Variants in CDKL1 observed in about 807,000 individuals in gnomAD.
CDKL1 encodes cyclin dependent kinase like 1.
Under a neutral mutation model 42.0 loss-of-function variants are expected in CDKL1, and 41 were observed. The ratio of observed to expected loss-of-function variants is 0.98; its 90% CI spans 0.76 to 1.27. The LOEUF is 1.27. CDKL1 is among the 50% of genes most tolerant of loss of function. CDKL1 has a pLI of 0.00. For synonymous variants in CDKL1, 153 were observed against 158.6 expected (o/e 0.96, Z 0.26); for missense variants, 394 against 428.4 (o/e 0.92, Z 0.71).
intron 2 of CDKL1, among the ~76,000 whole-genome samples, chr14:50,359,596 A>C (rs909723071): frequency 1.3e-5 from 2 of 152,060 alleles, no homozygotes; most frequent in Non-Finnish European, 2.9e-5. Flanking sequence ...ATTATTGTTC[A>C]GTTAATTGTT....
At chr14:50,382,936 T>TG (rs1303912777) in intron 2 of CDKL1, among the ~76,000 whole-genome samples, 2 of 151,550 alleles carry the variant, frequency 1.3e-5, no homozygotes, top group Non-Finnish European at 2.9e-5. Context: ...TTTTGTTTTT[T>TG]TTTTTTTTTG....
chr14:50,383,748 T>C (rs1434341979), intron 2 of CDKL1, among the ~76,000 whole-genome samples: 1 of 152,264 alleles, frequency 6.6e-6, no homozygotes, highest in East Asian at 1.9e-4. Flanking sequence ...GAGTCTACAG[T>C]GTGTGGCAGG....
At chr14:50,378,208 A>C (rs550449306) in intron 2 of CDKL1, 39 of 1,366,414 alleles carry the variant, frequency 2.9e-5, no homozygotes, top group Middle Eastern at 4.2e-4. Context: ...CACATGATGC[A>C]GGTGCCTCCT....
At chr14:50,379,190 G>A (rs1005233726) in intron 2 of CDKL1, among the ~76,000 whole-genome samples, 1 of 152,212 alleles carries the variant, frequency 6.6e-6, no homozygotes, top group African/African-American at 2.4e-5. Context: ...GCTCTTTGAA[G>A]GTTGGGCTTT....
intron 2 of CDKL1, among the ~76,000 whole-genome samples, chr14:50,387,037 A>AAAGAAAAG (rs745989074): frequency 0.052 from 7,849 of 151,592 alleles, 288 homozygotes; most frequent in East Asian, 0.11. Flanking sequence ...AAAAAGAAAA[A>AAAGAAAAG]AAAAAAAAGA....
intron 9 of CDKL1, chr14:50,331,936 A>C: frequency 8.6e-7 from 1 of 1,163,264 alleles, no homozygotes. Flanking sequence ...TGCATGGGGA[A>C]AATCTGATTT....
chr14:50,331,842 G>A, intron 9 of CDKL1: 2 of 614,642 alleles, frequency 3.3e-6, no homozygotes, highest in Non-Finnish European at 5.6e-6. Context: ...CTCTGACAAA[G>A]GATCAGGGAG....
intron 2 of CDKL1, among the ~76,000 whole-genome samples, chr14:50,367,036 G>A (rs1283914914): frequency 2.0e-5 from 3 of 152,224 alleles, no homozygotes; most frequent in Non-Finnish European, 4.4e-5. Flanking sequence ...AGATTGCCCC[G>A]AAGGAGCGAG....
At chr14:50,385,066 G>C (rs1387324828) in intron 2 of CDKL1, among the ~76,000 whole-genome samples, 1 of 88,822 alleles carries the variant, frequency 1.1e-5, no homozygotes, top group South Asian at 5.5e-4. Flanking sequence ...GCAAGACTCT[G>C]TCTCAAAAAA....
rs1468382589 is a variant in CDKL1, at chr14:50,329,019, ATTAG to A, written c.*1051_*1054del. The A allele has an allele frequency of 4.2e-5, 6 of 142,832 alleles. No individual in the cohort carries two copies. The allele number at this position is 142,832 out of a possible 1,614,324, so 8.8% of individuals were successfully genotyped here. The stretch of plus-strand genomic sequence containing the variant: ...TACTTTGGACTACTTAGTGTAATAT[ATTAG>A]TTGTTAGAATAGCATATATATATAT... On this transcript the variant is annotated 3_prime_UTR_variant, in exon 10 of 10. Coordinates refer to ENST00000395834, the MANE Select transcript of CDKL1 (RefSeq NM_004196.7).
chr14:50,366,028 G>A (rs896293034), intron 2 of CDKL1, among the ~76,000 whole-genome samples: 1 of 152,204 alleles, frequency 6.6e-6, no homozygotes. Flanking sequence ...TCAGCTTGCA[G>A]ACGGCCTGTT....
In CDKL1 at chr14:50,359,149, G is replaced by A; in HGVS notation, c.169C>T (p.Gln57Ter). Residue 57 changes from glutamine (Q) to a stop codon, truncating the protein, a stop_gained and splice_region_variant, in exon 3 of 10, where the codon CAA (glutamine) becomes TAA (stop). Transcript: ENST00000395834. LOFTEE classifies it high-confidence loss of function. ...IALREIRMLK[Q>*]LKHPNLVNLL... The stretch of plus-strand genomic sequence containing the variant: ...TTAACAAGGTTGGGATGCTTGAGTT[G>A]CTGAAAACACAAAAAAACAAGTTAC... 6.2e-7 allele frequency: 1 copy of A among 1,600,932 alleles called. No individual in the cohort carries two copies. Among genetic ancestry groups the A allele is most frequent in the South Asian group, 1.1e-5 (1 of 89,362 alleles).
At chr14:50,383,679 A>G (rs898784378) in intron 2 of CDKL1, among the ~76,000 whole-genome samples, 2 of 152,218 alleles carry the variant, frequency 1.3e-5, no homozygotes, top group African/African-American at 4.8e-5. Flanking sequence ...TCTTTTATCA[A>G]TGTGAATTAC....
chr14:50,345,074 C>T lies in CDKL1; in HGVS notation c.291-16G>A. The T allele has an allele frequency of 1.2e-6, 2 of 1,610,788 alleles. No homozygotes were observed. Among genetic ancestry groups the T allele is most frequent in the Non-Finnish European group, 1.7e-6 (2 of 1,177,678 alleles). On this transcript the variant is annotated splice_polypyrimidine_tract_variant and intron_variant, in intron 3 of 9. Coordinates refer to ENST00000395834, the MANE Select transcript of CDKL1 (RefSeq NM_004196.7). ...TTCTGGTACCCTAATAAAAATAAAG[C>T]AGCACAAACACATTCTTTAGTGTAG...
rs1428475575 is a variant in CDKL1, at chr14:50,343,112, A to G, written c.364-890T>C. ...CACATGATTTTCTCATTAAATGACAATTTCTTTGGCAAAGAACAAATCAAC... is the reference window on the plus strand; with the variant it reads ...CACATGATTTTCTCATTAAATGACAGTTTCTTTGGCAAAGAACAAATCAAC... On this transcript the variant is annotated intron_variant, in intron 4 of 9. Coordinates refer to ENST00000395834, the MANE Select transcript of CDKL1 (RefSeq NM_004196.7). 3.6e-6 allele frequency: 4 copies of G among 1,106,096 alleles called. No individual in the cohort carries two copies. The Admixed American group carries it at 1.4e-4, about 39-fold the overall frequency. The allele number at this position is 1,106,096 out of a possible 1,614,324, so 68.5% of individuals were successfully genotyped here.
chr14:50,390,432 A>G, intron 2 of CDKL1: 3 of 1,312,908 alleles, frequency 2.3e-6, no homozygotes, highest in Non-Finnish European at 3.0e-6. Flanking sequence ...GAGAAGGTTC[A>G]GCAGCATAGG....
chr14:50,386,788 C>A (rs756265208), intron 2 of CDKL1, among the ~76,000 whole-genome samples: 4 of 151,774 alleles, frequency 2.6e-5, no homozygotes, highest in Non-Finnish European at 4.4e-5. Context: ...TGGCTGGGCG[C>A]AGTGGCTCAT....
chr14:50,347,661 C>A (rs998703375), intron 3 of CDKL1, among the ~76,000 whole-genome samples: 1 of 151,972 alleles, frequency 6.6e-6, no homozygotes, highest in African/African-American at 2.4e-5. Context: ...TACTGGACAC[C>A]CAAAGGAAGA....
At chr14:50,390,088 C>A in intron 2 of CDKL1, 2 of 1,131,072 alleles carry the variant, frequency 1.8e-6, no homozygotes, top group Non-Finnish European at 2.5e-6. Context: ...AACAATGATA[C>A]TTGGCAGTTT....
Sources: allele counts gnomAD v4.1 joint callset (sites outside exome capture counted in the v4.1 genomes callset), GRCh38; gene constraint gnomAD v4.1.1; transcripts MANE v1.5; gene names NCBI Gene and HGNC (gene_info 2026-07-23, HGNC 2026-07-21).